The following MMP26 variants were observed in gnomAD, a reference collection of about 807,000 sequenced individuals.
The protein encoded by MMP26 is matrix metalloproteinase-26.
A neutral mutation model predicts 31.0 loss-of-function variants in MMP26; 33 were observed. That is an observed-to-expected ratio of 1.06 (90% CI 0.81 to 1.42). The LOEUF (loss-of-function observed/expected upper bound fraction) is 1.42, where lower values mean the gene tolerates loss of function less well. Among genes scored for constraint, MMP26 ranks in the 40% most tolerant of loss-of-function variants. MMP26 has a pLI of 0.00. For synonymous variants in MMP26, 122 were observed against 114.9 expected (o/e 1.06, Z -0.40); for missense variants, 347 against 316.1 (o/e 1.10, Z -0.74).
At chr11:4,873,260 C>G (rs547763271) in intron 2 of MMP26, among the ~76,000 whole-genome samples, 1 of 152,158 alleles carries the variant, frequency 6.6e-6, no homozygotes, top group African/African-American at 2.4e-5. Flanking sequence ...TGTAGTGTTT[C>G]TTTTGAGGCT....
chr11:4,882,387 T>C (rs748186860), intron 2 of MMP26: 8 of 1,613,972 alleles, frequency 5.0e-6, no homozygotes, highest in Non-Finnish European at 6.8e-6. Flanking sequence ...CCCCTTCTTG[T>C]AGCCATAAAC....
chr11:4,733,093 C>A (rs532322588), intron 1 of MMP26, among the ~76,000 whole-genome samples: 4 of 152,328 alleles, frequency 2.6e-5, no homozygotes, highest in African/African-American at 7.2e-5. Flanking sequence ...GTATGCAACA[C>A]CCAACTTTGC....
chr11:4,884,301 C>T (rs1040047291), intron 2 of MMP26, among the ~76,000 whole-genome samples: 1 of 152,078 alleles, frequency 6.6e-6, no homozygotes, highest in African/African-American at 2.4e-5. Context: ...CCAAGTCCCT[C>T]ATTGTAGCTA....
intron 2 of MMP26, among the ~76,000 whole-genome samples, chr11:4,928,666 C>A (rs974567266): frequency 6.6e-6 from 1 of 151,732 alleles, no homozygotes; most frequent in East Asian, 1.9e-4. Context: ...TTTTTTTTCA[C>A]GTAAGTCTTA....
At chr11:4,739,532 C>T (rs984343823) in intron 1 of MMP26, among the ~76,000 whole-genome samples, 1 of 152,130 alleles carries the variant, frequency 6.6e-6, no homozygotes, top group Admixed American at 6.5e-5. Context: ...GCTAGAATCC[C>T]ACTGGTCATT....
chr11:4,908,660 T>C, intron 2 of MMP26: 1 of 328,444 alleles, frequency 3.0e-6, no homozygotes, highest in Non-Finnish European at 5.8e-6. Context: ...ATACAAAGTC[T>C]AATCTCATAC....
intron 2 of MMP26, among the ~76,000 whole-genome samples, chr11:4,889,008 A>G (rs546812603): frequency 2.0e-5 from 3 of 152,282 alleles, no homozygotes; most frequent in African/African-American, 7.2e-5. Context: ...TTGTCATATA[A>G]ACTGTGTAAC....
At chr11:4,899,976 A>G (rs1283039201) in intron 2 of MMP26, among the ~76,000 whole-genome samples, 1 of 152,050 alleles carries the variant, frequency 6.6e-6, no homozygotes, top group Non-Finnish European at 1.5e-5. Flanking sequence ...TCCCAAATAT[A>G]TTTATTCTAA....
chr11:4,769,434 G>C (rs1251935230), intron 2 of MMP26: 1 of 1,613,414 alleles, frequency 6.2e-7, no homozygotes, highest in Non-Finnish European at 8.5e-7. Flanking sequence ...AGGAGCAAAA[G>C]TAGTGGCAAT....
intron 1 of MMP26, among the ~76,000 whole-genome samples, chr11:4,746,839 A>T (rs958286960): frequency 3.7e-5 from 5 of 135,668 alleles, no homozygotes; most frequent in African/African-American, 1.3e-4. Flanking sequence ...TGTCACACAC[A>T]CACACACACA....
intron 2 of MMP26, chr11:4,946,983 C>G: frequency 6.3e-7 from 1 of 1,595,266 alleles, no homozygotes; most frequent in Non-Finnish European, 8.6e-7. Flanking sequence ...CCTAGAATAG[C>G]AATAAGATAC....
intron 2 of MMP26, among the ~76,000 whole-genome samples, chr11:4,820,914 T>G (rs1190013844): frequency 6.6e-6 from 1 of 152,150 alleles, no homozygotes; most frequent in African/African-American, 2.4e-5. Flanking sequence ...TGGGCCACCC[T>G]ATTACCACAT....
chr11:4,740,524 A>G (rs1366590002), intron 1 of MMP26, among the ~76,000 whole-genome samples: 1 of 152,006 alleles, frequency 6.6e-6, no homozygotes, highest in Non-Finnish European at 1.5e-5. Context: ...TCTACTAAAA[A>G]TACAAAAAAT....
At chr11:4,907,338 G>T in intron 2 of MMP26, 1 of 1,438,398 alleles carries the variant, frequency 7.0e-7, no homozygotes, top group Non-Finnish European at 9.7e-7. Flanking sequence ...TATGGTTTCA[G>T]ATCCGGCTAA....
intron 2 of MMP26, among the ~76,000 whole-genome samples, chr11:4,827,095 ATTCT>A (rs754280356): frequency 7.9e-5 from 12 of 152,140 alleles, no homozygotes; most frequent in Non-Finnish European, 1.5e-4. Context: ...AGGTTTTCAG[ATTCT>A]TCCTGCGAAA....
intron 2 of MMP26, chr11:4,915,756 A>G (rs1851078658): frequency 1.8e-5 from 14 of 766,702 alleles, no homozygotes; most frequent in Non-Finnish European, 8.3e-6. Context: ...GAAATTAAAG[A>G]AAAAAAATAG....
intron 2 of MMP26, among the ~76,000 whole-genome samples, chr11:4,833,365 A>G (rs950678723): frequency 6.6e-6 from 1 of 152,210 alleles, no homozygotes; most frequent in African/African-American, 2.4e-5. Flanking sequence ...AACTCTTGCA[A>G]ATCTTCTAAT....
At chr11:4,785,587 G>A (rs192585626) in intron 2 of MMP26, among the ~76,000 whole-genome samples, 5 of 151,000 alleles carry the variant, frequency 3.3e-5, no homozygotes, top group East Asian at 1.9e-4. Context: ...CAAATTCTTA[G>A]CTATTGTACA....
chr11:4,862,803 G>T (rs1324367734), intron 2 of MMP26, among the ~76,000 whole-genome samples: 1 of 152,144 alleles, frequency 6.6e-6, no homozygotes, highest in African/African-American at 2.4e-5. Flanking sequence ...TTTTTGAAAG[G>T]TAGTGTAGTC....
Sources: gnomAD v4.1 joint callset for allele counts (sites outside exome capture counted in the v4.1 genomes callset) on GRCh38, gnomAD v4.1.1 for gene constraint, MANE v1.5 for transcripts, NCBI Gene and HGNC (gene_info 2026-07-23, HGNC 2026-07-21) for gene names.